Variants in OR14A16 observed in about 807,000 individuals in gnomAD.
OR14A16 encodes the protein olfactory receptor 14A16.
For missense variants in OR14A16, 341 were observed against 366.5 expected, an observed-to-expected ratio of 0.93 and a Z score of 0.57; for synonymous variants, 135 against 137.6, an observed-to-expected ratio of 0.98 and a Z score of 0.13.
intron 1 of OR14A16, 25 bp downstream of exon 1, chr1:247,823,928 A>G (rs1265103825): frequency 6.6e-6 from 1 of 152,216 alleles, no homozygotes; most frequent in Non-Finnish European, 1.5e-5. Flanking sequence ...ATAAGCTGTA[A>G]AATTTAATAC....
intron 2 of OR14A16, among the ~76,000 whole-genome samples, chr1:247,818,304 C>G (rs77857771): frequency 0.1 from 15,337 of 152,112 alleles, 1,267 homozygotes; most frequent in African/African-American, 0.23. Context: ...TAAATTAGAA[C>G]AGCCACTATG....
rs1374930230 is a variant in OR14A16 at position 247,823,324 on chromosome 1, C to T, written c.-131+629G>A. On this transcript the variant is annotated intron_variant, in intron 1 of 2. Transcript: ENST00000641093. ...GAGCAACCTGGAGAGACCCCCATTT[C>T]TACAAAATAAAAAAATAAAAACATT... Among the ~76,000 whole-genome samples the T allele has an allele frequency of 4.6e-5, 7 of 152,104 alleles. No individual in the cohort carries two copies. In the East Asian group the frequency reaches 1.3e-3, roughly 29 times the overall value.
chr1:247,823,241 A>G (rs924646398), intron 1 of OR14A16, among the ~76,000 whole-genome samples: 2 of 152,272 alleles, frequency 1.3e-5, no homozygotes, highest in South Asian at 2.1e-4. Context: ...TGTAATCCCA[A>G]TGTTTTGGGA....
Position 247,815,267 on chromosome 1 carries a change from C to G in OR14A16, c.463G>C (p.Val155Leu), listed in dbSNP as rs570397976. The G allele has an allele frequency of 1.2e-6, 2 of 1,614,008 alleles. No individual in the cohort carries two copies. The highest frequency in any genetic ancestry group is 2.2e-5 in the South Asian group (2 of 91,084). ...VSWLYGGLIA[V>L]MHTAGTFSLS... is the part of the protein sequence containing the mutation. ...GAGAAGGTGCCAGCTGTGTGCATCA[C>G]AGCAATCAGACCCCCATACAGCCAA... Residue 155 changes from valine to leucine, a missense_variant, in exon 3 of 3, where the codon GTG becomes CTG. Physicochemically the swap from Val to Leu is conservative, Grantham distance 32 (BLOSUM62 1). Coordinates refer to ENST00000641093, the MANE Select transcript of OR14A16 (RefSeq NM_001001966.2).
intron 2 of OR14A16, among the ~76,000 whole-genome samples, chr1:247,818,126 A>G (rs1662662322): frequency 6.6e-6 from 1 of 152,148 alleles, no homozygotes; most frequent in African/African-American, 2.4e-5. Flanking sequence ...TAACCCCAAA[A>G]TTTTTAAAAT....
chr1:247,814,895 G>A lies in OR14A16; in HGVS notation c.835C>T (p.Pro279Ser). 1 of 1,613,860 alleles carries A rather than the reference G, an allele frequency of 6.2e-7. No individual in the cohort carries two copies. Among genetic ancestry groups the A allele is most frequent in the Non-Finnish European group, 8.5e-7 (1 of 1,179,882 alleles). Residue 279 changes from proline to serine, a missense_variant, in exon 3 of 3, where the codon CCC becomes TCC. Coordinates refer to ENST00000641093, the MANE Select transcript of OR14A16 (RefSeq NM_001001966.2). ...AVISVFYTML[P>S]PTFNPIIYSL... is the part of the protein sequence containing the mutation. Reference sequence around the variant, plus strand: ...TATATAATGGGATTAAAGGTTGGGGGCAGCATAGTGTAGAACACAGAAATT... The same window carrying A: ...TATATAATGGGATTAAAGGTTGGGGACAGCATAGTGTAGAACACAGAAATT...
chr1:247,821,897 C>A (rs537077091), intron 1 of OR14A16, among the ~76,000 whole-genome samples: 3 of 150,340 alleles, frequency 2.0e-5, no homozygotes, highest in Non-Finnish European at 4.4e-5. Flanking sequence ...ACTTTTTATC[C>A]TTTTTGTGTC....
chr1:247,815,350 G>A lies in OR14A16; in HGVS notation c.380C>T (p.Pro127Leu), dbSNP rs367660073. The A allele has an allele frequency of 5.0e-6, 8 of 1,613,876 alleles. No individual in the cohort carries two copies. The African/African-American group carries it at 9.3e-5, about 19-fold the overall frequency. The change falls in exon 3 of 3, where the codon CCT becomes CTT. Residue 127 changes from proline to leucine, a missense_variant. Coordinates refer to ENST00000641093, the MANE Select transcript of OR14A16 (RefSeq NM_001001966.2). Reference sequence around the variant, plus strand: ...GTCCATGATGACATCATAGTGCAGAGGGTGACATATAGCAGTATAGCGGTC... The same window carrying A: ...GTCCATGATGACATCATAGTGCAGAAGGTGACATATAGCAGTATAGCGGTC... ...SFDRYTAICH[P>L]LHYDVIMDRS...
chr1:247,815,109 G>A lies in OR14A16; in HGVS notation c.621C>T (p.Cys207=). The A allele has an allele frequency of 1.2e-6, 2 of 1,613,654 alleles. No individual in the cohort carries two copies. The highest frequency in any genetic ancestry group is 1.7e-6 in the Non-Finnish European group (2 of 1,179,646). ...LILINVVLDF[C]CFIVIIITYV... ...AGGTAATGATGATGACAATAAAACA[G>A]CAGAAATCCAAAACTACATTAATAA... is the stretch of plus-strand genomic sequence containing the variant. The change falls in exon 3 of 3, where the codon TGC becomes TGT. Residue 207 remains cysteine (C), a synonymous_variant. Transcript: ENST00000641093.
chr1:247,819,126 C>A lies in OR14A16; in HGVS notation c.-79G>T, dbSNP rs1379226735. 1 of 152,118 alleles carries A rather than the reference C, an allele frequency of 6.6e-6. No individual in the cohort carries two copies. The highest frequency in any genetic ancestry group is 1.9e-4 in the East Asian group (1 of 5,196). 9.4% of individuals were successfully genotyped at this position (152,118 alleles called of 1,614,324 possible). The stretch of plus-strand genomic sequence containing the variant: ...CTTCTGAGGCTTGTTTTCAATGCTT[C>A]TTTATTCATTTATAGAGTGCTTACT... On this transcript the variant is annotated 5_prime_UTR_variant, in exon 2 of 3. It introduces an in-frame stop codon into an upstream open reading frame of the 5' UTR. Transcript: ENST00000641093.
At chr1:247,819,441 G>A (rs1371486320) in intron 1 of OR14A16, among the ~76,000 whole-genome samples, 1 of 152,136 alleles carries the variant, frequency 6.6e-6, no homozygotes, top group Non-Finnish European at 1.5e-5. Flanking sequence ...AAAATGGAGA[G>A]CAGGATCAGG....
chr1:247,819,220 T>TG (rs927628471), intron 1 of OR14A16, 43 bp from the exon 2 acceptor site: 3 of 152,148 alleles, frequency 2.0e-5, no homozygotes, highest in African/African-American at 7.2e-5. Context: ...CAAAGGTGTG[T>TG]GGGAAGTCAC....
At chr1:247,822,977 A>G (rs1432345593) in intron 1 of OR14A16, among the ~76,000 whole-genome samples, 5 of 152,212 alleles carry the variant, frequency 3.3e-5, no homozygotes, top group Non-Finnish European at 7.3e-5. Flanking sequence ...AATTTTGTAA[A>G]ATAAAATTAA....
rs779700306 is a variant in OR14A16, at chr1:247,815,144, C to G, written c.586G>C (p.Ala196Pro). 5.6e-6 allele frequency: 9 copies of G among 1,612,208 alleles called. No individual in the cohort carries two copies. The African/African-American group carries it at 1.1e-4, about 19-fold the overall frequency. ...AAAACTACATTAATAAGGATGAGTG[C>G]AATTTCTCTTATTAAATTTTCTGAG... ...SCSENLIREI[A>P]LILINVVLDF... The change falls in exon 3 of 3, where the codon GCA becomes CCA. Residue 196 changes from alanine (A) to proline (P), a missense_variant. Physicochemically the swap from Ala to Pro is conservative, Grantham distance 27 (BLOSUM62 -1). Transcript: ENST00000641093.
Position 247,815,650 on chromosome 1 carries a change from A to G in OR14A16, c.80T>C (p.Ile27Thr). 2 of 1,611,122 alleles carry G rather than the reference A, an allele frequency of 1.2e-6. No homozygotes were observed. Among genetic ancestry groups the G allele is most frequent in the Non-Finnish European group, 1.7e-6 (2 of 1,177,258 alleles). Residue 27 changes from isoleucine to threonine, a missense_variant, in exon 3 of 3, where the codon ATT becomes ACT. Physicochemically the swap from Ile to Thr is moderately conservative, Grantham distance 89. Transcript: ENST00000641093. ...ACACAAATAAATCAACAAGAAGAGA[A>G]TCGAATGCAAAATGCACATATTTTT... ...TNKNMCILHS[I>T]LFLLIYLCAL...
intron 2 of OR14A16, among the ~76,000 whole-genome samples, chr1:247,818,752 G>A (rs1398437214): frequency 6.6e-6 from 1 of 152,064 alleles, no homozygotes; most frequent in Non-Finnish European, 1.5e-5. Flanking sequence ...GTTAATGGGT[G>A]CAAAAATATC....
chr1:247,815,395 A>G lies in OR14A16; in HGVS notation c.335T>C (p.Leu112Pro). 1 of 1,613,788 alleles carries G rather than the reference A, an allele frequency of 6.2e-7. No homozygotes were observed. Among genetic ancestry groups the G allele is most frequent in the Non-Finnish European group, 8.5e-7 (1 of 1,179,822 alleles). Residue 112 changes from leucine (L) to proline (P), a missense_variant, in exon 3 of 3, where the codon CTC becomes CCC. Transcript: ENST00000641093. ...GCGGTCAAAGGACATCACCGTGAGG[A>G]GGAGCAGCTCTGCAGATGCTGAAGA... ...LLSSASAELL[L>P]LTVMSFDRYT...
At chr1:247,817,769 T>C (rs1662654625) in intron 2 of OR14A16, among the ~76,000 whole-genome samples, 1 of 152,150 alleles carries the variant, frequency 6.6e-6, no homozygotes, top group Admixed American at 6.5e-5. Context: ...TCATTAATTT[T>C]GTGATTTCAT....
At chr1:247,819,225 A>G (rs937727138) in intron 1 of OR14A16, 48 bp from the exon 2 acceptor site, 4 of 152,152 alleles carry the variant, frequency 2.6e-5, no homozygotes, top group African/African-American at 9.7e-5. Context: ...GTGTGTGGGA[A>G]GTCACTTTCT....
Sources: allele counts gnomAD v4.1 joint callset (sites outside exome capture counted in the v4.1 genomes callset), GRCh38; gene constraint gnomAD v4.1.1; transcripts MANE v1.5; gene names NCBI Gene and HGNC (gene_info 2026-07-23, HGNC 2026-07-21).